LYG1: variants seen among roughly 807,000 people sequenced by gnomAD.
LYG1 encodes the protein lysozyme g1.
In LYG1, 17 loss-of-function variants were observed where a neutral mutation model predicts 21.7. The observed-to-expected ratio is 0.78, with a 90% CI of 0.54 to 1.18. The LOEUF is 1.18. Ranked by LOEUF, LYG1 falls within the 50% of genes most tolerant of loss-of-function variation. The probability of loss-of-function intolerance (pLI) is 0.00; values close to 1 mark genes in which losing one functional copy is unlikely to be tolerated. For missense variants in LYG1, 211 were observed against 238.1 expected (o/e 0.89, Z 0.75); for synonymous variants, 81 against 87.4 (o/e 0.93, Z 0.41).
chr2:99,288,120 A>G (rs1312022406), intron 5 of LYG1, among the ~76,000 whole-genome samples: 2 of 152,168 alleles, frequency 1.3e-5, no homozygotes, highest in Non-Finnish European at 2.9e-5. Flanking sequence ...TATAGTAATA[A>G]TAATTTATGC....
chr2:99,298,628 T>C (rs2105302023), intron 1 of LYG1, 79 bp from the exon 2 acceptor site: 1 of 152,336 alleles, frequency 6.6e-6, no homozygotes, highest in African/African-American at 2.4e-5. Context: ...CTCTCAATCT[T>C]TACCTTGAAC....
chr2:99,303,882 G>T (rs1257404901), upstream of LYG1, among the ~76,000 whole-genome samples: 1 of 151,560 alleles, frequency 6.6e-6, no homozygotes, highest in Non-Finnish European at 1.5e-5. Flanking sequence ...TTTATAAGAA[G>T]AAACCCCGGC....
intron 1 of LYG1, 103 bp from the exon 2 acceptor site, chr2:99,298,652 G>C (rs554554579): frequency 3.9e-5 from 6 of 152,130 alleles, no homozygotes; most frequent in Non-Finnish European, 8.8e-5. Flanking sequence ...ATCATTGCAG[G>C]TCATTGGGGC....
chr2:99,292,639 G>A lies in LYG1; in HGVS notation c.45C>T (p.Asp15=), dbSNP rs2105295909. ...ATCCCCAGTTGCTGCTTTCAGACAA[G>A]TCTACAAGTTGAGAAAAGTTCAGCC... The part of the protein sequence containing the change: ...WLLLGLLALM[D]LSESSNWGCY... Residue 15 remains aspartate (D), a splice_region_variant and synonymous_variant, in exon 4 of 7, where the codon GAC becomes GAT. Transcript: ENST00000308528. 1 of 1,612,234 alleles carries A rather than the reference G, an allele frequency of 6.2e-7. No homozygotes were observed. The highest frequency in any genetic ancestry group is 8.5e-7 in the Non-Finnish European group (1 of 1,178,256).
chr2:99,291,137 C>A (rs757809974), intron 5 of LYG1, 100 bp downstream of exon 5: 64 of 1,153,148 alleles, frequency 5.6e-5, no homozygotes, highest in Non-Finnish European at 7.6e-5. Context: ...TAGAGACCTT[C>A]ATTCATGCTG....
chr2:99,292,200 G>A (rs548028388), intron 4 of LYG1, among the ~76,000 whole-genome samples: 99 of 152,186 alleles, frequency 6.5e-4, no homozygotes, highest in Non-Finnish European at 9.0e-4. Flanking sequence ...CAGGAGAATC[G>A]CTTAAACCGG....
intron 4 of LYG1, among the ~76,000 whole-genome samples, chr2:99,292,085 G>A (rs565353262): frequency 6.8e-4 from 104 of 152,144 alleles, no homozygotes; most frequent in Middle Eastern, 6.8e-3. Context: ...TCAGGAGTTC[G>A]AGACCAGCCT....
intron 5 of LYG1, among the ~76,000 whole-genome samples, chr2:99,290,620 C>A (rs1281560302): frequency 6.6e-6 from 1 of 152,122 alleles, no homozygotes; most frequent in African/African-American, 2.4e-5. Flanking sequence ...TCATTCTCAC[C>A]CTTGCCATCA....
chr2:99,295,374 T>C (rs1490979155), intron 3 of LYG1, among the ~76,000 whole-genome samples: 4 of 152,232 alleles, frequency 2.6e-5, no homozygotes, highest in African/African-American at 7.2e-5. Context: ...CAGCTATTGA[T>C]GGTGTATATT....
chr2:99,284,885 G>A, intron 5 of LYG1, 65 bp from the exon 6 acceptor site: 19 of 1,568,082 alleles, frequency 1.2e-5, no homozygotes, highest in Non-Finnish European at 1.6e-5. Flanking sequence ...GGCTTACTGG[G>A]CTCAATGGCG....
At chr2:99,294,148 A>G (rs184204577) in intron 3 of LYG1, among the ~76,000 whole-genome samples, 124 of 152,252 alleles carry the variant, frequency 8.1e-4, no homozygotes, top group Middle Eastern at 6.8e-3. Context: ...TCCTGAGCTC[A>G]AGCAATTTGC....
intron 5 of LYG1, 65 bp downstream of exon 5, chr2:99,291,172 C>A: frequency 6.7e-7 from 1 of 1,503,652 alleles, no homozygotes; most frequent in Non-Finnish European, 9.1e-7. Context: ...TTGCCATCAT[C>A]CAAAAAACAA....
intron 1 of LYG1, among the ~76,000 whole-genome samples, chr2:99,299,422 T>C (rs2094147402): frequency 6.6e-6 from 1 of 151,682 alleles, no homozygotes; most frequent in Non-Finnish European, 1.5e-5. Flanking sequence ...ATTTTTAAAA[T>C]TGTTTTAATT....
chr2:99,300,430 C>T (rs561324901), intron 1 of LYG1, among the ~76,000 whole-genome samples: 25 of 152,220 alleles, frequency 1.6e-4, no homozygotes, highest in Admixed American at 5.2e-4. Context: ...TCCCCGTGAA[C>T]GTTTCCTTCT....
chr2:99,287,835 A>C (rs936814217), intron 5 of LYG1, among the ~76,000 whole-genome samples: 4 of 152,144 alleles, frequency 2.6e-5, no homozygotes, highest in African/African-American at 9.7e-5. Flanking sequence ...TTAATAGATG[A>C]TATATGATCA....
At chr2:99,294,818 T>TA (rs1360073374) in intron 3 of LYG1, among the ~76,000 whole-genome samples, 19 of 152,244 alleles carry the variant, frequency 1.2e-4, no homozygotes, top group African/African-American at 3.9e-4. Context: ...CTTTTATTTA[T>TA]TAAAAAACAA....
At chr2:99,290,038 A>G (rs2094113914) in intron 5 of LYG1, among the ~76,000 whole-genome samples, 1 of 152,042 alleles carries the variant, frequency 6.6e-6, no homozygotes, top group South Asian at 2.1e-4. Flanking sequence ...TTTGAATTTT[A>G]GTAGAGATGG....
chr2:99,292,935 T>C (rs1001593371), intron 3 of LYG1, among the ~76,000 whole-genome samples: 6 of 152,068 alleles, frequency 3.9e-5, no homozygotes, highest in East Asian at 1.9e-4. Context: ...AGGTGGTATC[T>C]TGGAACACAA....
upstream of LYG1, among the ~76,000 whole-genome samples, chr2:99,303,614 C>G (rs758746258): frequency 6.6e-6 from 1 of 152,136 alleles, no homozygotes; most frequent in Non-Finnish European, 1.5e-5. Context: ...AAAAAGTGTC[C>G]CCTGGCTGCT....
Sources: gnomAD v4.1 joint callset for allele counts (sites outside exome capture counted in the v4.1 genomes callset) on GRCh38, gnomAD v4.1.1 for gene constraint, MANE v1.5 for transcripts, NCBI Gene and HGNC (gene_info 2026-07-23, HGNC 2026-07-21) for gene names.